BRF1: variants seen among roughly 807,000 people sequenced by gnomAD.
The protein encoded by BRF1 is BRF1 general transcription factor IIIB subunit, also known as transcription factor IIIB 90 kDa subunit.
BRF1 carries 59 observed loss-of-function variants against 81.7 expected under a neutral mutation model. The ratio of observed to expected loss-of-function variants is 0.72; its 90% confidence interval spans 0.59 to 0.90. The LOEUF is 0.90. BRF1 is among the 40% of genes least tolerant of loss of function. BRF1 has a pLI of 0.00. For missense variants in BRF1, 1,050 were observed against 936.3 expected (o/e 1.12, Z -1.58); for synonymous variants, 491 against 395.6 (o/e 1.24, Z -2.86).
chr14:105,247,618 G>A (rs1295257113), intron 5 of BRF1: 1 of 985,384 alleles, frequency 1.0e-6, no homozygotes, highest in Non-Finnish European at 1.2e-6. Flanking sequence ...TCACTGTTTA[G>A]CCCAGGACTG....
chr14:105,227,334 C>T (rs1171849793), intron 7 of BRF1: 3 of 153,462 alleles, frequency 2.0e-5, no homozygotes, highest in South Asian at 4.1e-4. Context: ...GCCGGAGAAT[C>T]GCTTGAATCC....
intron 2 of BRF1, among the ~76,000 whole-genome samples, chr14:105,273,145 C>T (rs1016467303): frequency 9.2e-5 from 14 of 152,170 alleles, no homozygotes; most frequent in African/African-American, 3.4e-4. Context: ...GTGGCGTGTG[C>T]GGTGTGGCTG....
chr14:105,250,771 C>G (rs901156745), intron 5 of BRF1: 4 of 1,249,694 alleles, frequency 3.2e-6, no homozygotes, highest in Non-Finnish European at 2.2e-6. Context: ...TTAACTTTGT[C>G]TCTCTTTGAC....
intron 5 of BRF1, chr14:105,250,074 C>A: frequency 6.2e-7 from 1 of 1,613,032 alleles, no homozygotes; most frequent in Non-Finnish European, 8.5e-7. Context: ...CGAATTCCAA[C>A]CATGACCCTA....
rs1279558804 is a variant in BRF1, at chr14:105,273,697, T to C, written c.266-803A>G. Among the ~76,000 whole-genome samples the C allele has an allele frequency of 2.0e-5, 3 of 152,130 alleles. 1 individual carries two copies. Among genetic ancestry groups the C allele is most frequent in the Non-Finnish European group, 1.5e-5 (1 of 68,018 alleles). On this transcript the variant is annotated intron_variant, in intron 2 of 17. Coordinates refer to ENST00000547530, the MANE Select transcript of BRF1 (RefSeq NM_001519.4). ...TGCAGGACGTGCCTTGTTAACAAAG[T>C]GTTCACAGGCAGTATGCTTGGTAAA...
intron 5 of BRF1, 181 bp from the exon 6 acceptor site, chr14:105,241,595 A>C (rs2054651832): frequency 1.3e-6 from 1 of 786,946 alleles, no homozygotes; most frequent in Non-Finnish European, 2.0e-6. Context: ...CATCGCACCG[A>C]ACCCAGGAGA....
intron 3 of BRF1, among the ~76,000 whole-genome samples, chr14:105,262,434 T>C (rs778728090): frequency 3.3e-5 from 5 of 152,158 alleles, no homozygotes; most frequent in Admixed American, 6.5e-5. Flanking sequence ...CAGTGGGTCA[T>C]TGCTGGGCCT....
chr14:105,226,416 T>A (rs1595305855), intron 8 of BRF1, 126 bp from the exon 9 acceptor site: 11 of 1,466,552 alleles, frequency 7.5e-6, no homozygotes, highest in Admixed American at 3.6e-5. Flanking sequence ...GCGATGGAGG[T>A]GGAGCTATGG....
intron 15 of BRF1, among the ~76,000 whole-genome samples, chr14:105,216,337 G>A (rs587698380): frequency 6.6e-6 from 1 of 152,316 alleles, no homozygotes; most frequent in African/African-American, 2.4e-5. Context: ...GGAGACTAAA[G>A]CCTCAGATCG....
At chr14:105,240,678 CTGTGG>C (rs2054519711) in intron 6 of BRF1, among the ~76,000 whole-genome samples, 2 of 13,660 alleles carry the variant, frequency 1.5e-4, no homozygotes, top group African/African-American at 2.5e-4. Flanking sequence ...CCTGACAGCC[CTGTGG>C]CACCCTCAGG....
rs996619073 is a variant in BRF1, at chr14:105,269,194, C to T, written c.439+3527G>A. Among the ~76,000 whole-genome samples, 1 of 152,108 alleles carries T rather than the reference C, an allele frequency of 6.6e-6. No homozygotes were observed. Among genetic ancestry groups the T allele is most frequent in the African/African-American group, 2.4e-5 (1 of 41,406 alleles). Reference sequence around the variant, plus strand: ...AGGGAGGGCAGAGCGGGACATGCTACACCTGGCCTGACCCACTTCCCTCTA... The same window carrying T: ...AGGGAGGGCAGAGCGGGACATGCTATACCTGGCCTGACCCACTTCCCTCTA... On this transcript the variant is annotated intron_variant, in intron 3 of 17. Coordinates refer to ENST00000547530, the MANE Select transcript of BRF1 (RefSeq NM_001519.4). The surrounding 1 kb of genome is among the most constrained non-coding windows in gnomAD (Gnocchi z 5.0).
intron 1 of BRF1, 145 bp from the exon 2 acceptor site, chr14:105,286,521 T>C: frequency 1.2e-6 from 1 of 808,914 alleles, no homozygotes; most frequent in East Asian, 2.7e-5. Flanking sequence ...CGCACCTCCG[T>C]CACTGAGCCA....
rs1352884522 is a variant in BRF1, at chr14:105,229,054, C to G, written c.695-141G>C. Reference sequence around the variant, plus strand: ...TGTCTGTGCCAGGCAGTGAGACCCTCACTTGGCATGGCTACTCCTGAACGA... The same window carrying G: ...TGTCTGTGCCAGGCAGTGAGACCCTGACTTGGCATGGCTACTCCTGAACGA... On this transcript the variant is annotated intron_variant, in intron 6 of 17. Coordinates refer to ENST00000547530, the MANE Select transcript of BRF1 (RefSeq NM_001519.4). 4 of 756,694 alleles carry G rather than the reference C, an allele frequency of 5.3e-6. No individual in the cohort carries two copies. In the East Asian group the frequency reaches 7.4e-5, roughly 14 times the overall value. 46.9% of individuals were successfully genotyped at this position (756,694 alleles called of 1,614,324 possible).
chr14:105,299,241 G>T (rs1338500883), intron 1 of BRF1, among the ~76,000 whole-genome samples: 1 of 151,908 alleles, frequency 6.6e-6, no homozygotes, highest in Non-Finnish European at 1.5e-5. Flanking sequence ...AATCCACAAA[G>T]AACTCCCAAA....
At chr14:105,225,030 C>T (rs749608868) in intron 10 of BRF1, among the ~76,000 whole-genome samples, 93 of 152,314 alleles carry the variant, frequency 6.1e-4, no homozygotes, top group Non-Finnish European at 4.4e-4. Flanking sequence ...AGCCCCTCCC[C>T]GGGCAAGTGG....
Position 105,282,956 on chromosome 14 carries a change from G to A in BRF1, c.265+3340C>T, listed in dbSNP as rs587751647. Among the ~76,000 whole-genome samples, 20 of 151,400 alleles carry A rather than the reference G, an allele frequency of 1.3e-4. No homozygotes were observed. The South Asian group carries it at 4.1e-3, about 31-fold the overall frequency. Reference sequence around the variant, plus strand: ...TCAAAAAACAAACAAACAAACAAAAGGTAAGATAAATACGAAATACAAAAT... The same window carrying A: ...TCAAAAAACAAACAAACAAACAAAAAGTAAGATAAATACGAAATACAAAAT... On this transcript the variant is annotated intron_variant, in intron 2 of 17. Transcript: ENST00000547530.
chr14:105,250,085 G>A lies in BRF1; in HGVS notation c.544+2422C>T, dbSNP rs1046959220. The A allele has an allele frequency of 1.9e-6, 3 of 1,612,872 alleles. No homozygotes were observed. In the African/African-American group the frequency reaches 4.0e-5, roughly 22 times the overall value. ...GGTCCGAATTCCAACCATGACCCTAGAGGAGTTTGCCAACGGCGCTGCCCA... is the reference window on the plus strand; with the variant it reads ...GGTCCGAATTCCAACCATGACCCTAAAGGAGTTTGCCAACGGCGCTGCCCA... On this transcript the variant is annotated intron_variant, in intron 5 of 17. Coordinates refer to ENST00000547530, the MANE Select transcript of BRF1 (RefSeq NM_001519.4).
intron 3 of BRF1, among the ~76,000 whole-genome samples, chr14:105,266,958 G>A (rs2816623): frequency 0.22 from 32,937 of 151,946 alleles, 4,049 homozygotes; most frequent in Middle Eastern, 0.27. Context: ...TGGGAGGATC[G>A]CTTGAGCCTG....
intron 12 of BRF1, chr14:105,219,721 A>T: frequency 7.0e-6 from 3 of 430,056 alleles, no homozygotes; most frequent in Non-Finnish European, 8.5e-6. Flanking sequence ...GGGGGCGCAC[A>T]GCGCATGTGG....
Sources: allele counts gnomAD v4.1 joint callset (sites outside exome capture counted in the v4.1 genomes callset), GRCh38; gene constraint gnomAD v4.1.1; non-coding constraint Gnocchi (gnomAD v3.1); transcripts MANE v1.5; gene names NCBI Gene and HGNC (gene_info 2026-07-23, HGNC 2026-07-21).